NCALD: variants seen among roughly 807,000 people sequenced by gnomAD.
The protein encoded by NCALD is neurocalcin delta.
Under a neutral mutation model 18.6 loss-of-function variants are expected in NCALD, and 10 were observed. The observed-to-expected ratio is 0.54, with a 90% CI of 0.33 to 0.91. The LOEUF is 0.91. Among genes scored for constraint, NCALD ranks in the 40% least tolerant of loss-of-function variants. The pLI is 0.03. For missense variants in NCALD, 184 were observed against 247.6 expected (o/e 0.74, Z 1.72); for synonymous variants, 88 against 87.4 (o/e 1.01, Z -0.04).
At chr8:102,073,373 C>T (rs1048207926) in intron 1 of NCALD, among the ~76,000 whole-genome samples, 3 of 152,040 alleles carry the variant, frequency 2.0e-5, no homozygotes, top group Non-Finnish European at 4.4e-5. Flanking sequence ...AGAAAGCTCA[C>T]AATAAATCTC....
chr8:101,763,447 A>G (rs1202712873), intron 1 of NCALD, among the ~76,000 whole-genome samples: 3 of 152,192 alleles, frequency 2.0e-5, no homozygotes, highest in Non-Finnish European at 4.4e-5. Context: ...GTAACCAATG[A>G]CAGGGAAAGG....
chr8:101,860,361 G>A (rs1051203387), intron 4 of NCALD, among the ~76,000 whole-genome samples: 4 of 152,174 alleles, frequency 2.6e-5, no homozygotes, highest in Admixed American at 6.5e-5. Flanking sequence ...TGATGATGAA[G>A]TGGATTCTCA....
intron 1 of NCALD, among the ~76,000 whole-genome samples, chr8:102,073,174 G>A (rs932608185): frequency 3.9e-5 from 6 of 152,206 alleles, no homozygotes; most frequent in South Asian, 2.1e-4. Context: ...GGTGGCACAC[G>A]CCCATAATCC....
chr8:101,908,214 A>C (rs1817673304), intron 3 of NCALD, among the ~76,000 whole-genome samples: 13 of 152,236 alleles, frequency 8.5e-5, no homozygotes, highest in Admixed American at 7.2e-4. Context: ...GTGTTAAATC[A>C]CATGCCAGGT....
At chr8:102,104,782 A>C (rs1244688960) in intron 1 of NCALD, among the ~76,000 whole-genome samples, 1 of 152,168 alleles carries the variant, frequency 6.6e-6, no homozygotes, top group African/African-American at 2.4e-5. Context: ...GCTTCAATGC[A>C]TGTGTGGGGA....
intron 2 of NCALD, among the ~76,000 whole-genome samples, chr8:101,717,501 A>G (rs1816142270): frequency 6.6e-6 from 1 of 152,124 alleles, no homozygotes; most frequent in Non-Finnish European, 1.5e-5. Context: ...AACACTTGTT[A>G]TCAAGTTACA....
chr8:101,742,237 A>G (rs564469776), intron 1 of NCALD, among the ~76,000 whole-genome samples: 3 of 152,236 alleles, frequency 2.0e-5, no homozygotes, highest in Admixed American at 2.0e-4. Flanking sequence ...AAAGAAAAAA[A>G]AAAAGAAAGA....
chr8:101,908,358 T>C (rs1817679477), intron 3 of NCALD, among the ~76,000 whole-genome samples: 1 of 152,170 alleles, frequency 6.6e-6, no homozygotes, highest in South Asian at 2.1e-4. Flanking sequence ...TTTGGTTTTT[T>C]TCTCGTCAAG....
chr8:101,944,639 T>C (rs1819098119), intron 2 of NCALD, among the ~76,000 whole-genome samples: 1 of 152,200 alleles, frequency 6.6e-6, no homozygotes, highest in South Asian at 2.1e-4. Context: ...CAGTGCCAAT[T>C]GGAGACCATG....
chr8:101,933,111 T>C (rs540577732), intron 2 of NCALD, among the ~76,000 whole-genome samples: 3 of 152,226 alleles, frequency 2.0e-5, no homozygotes, highest in Non-Finnish European at 4.4e-5. Context: ...CCTAGGATCA[T>C]GGTCTACCCT....
chr8:101,863,289 A>G (rs949555909), intron 4 of NCALD, among the ~76,000 whole-genome samples: 1 of 152,186 alleles, frequency 6.6e-6, no homozygotes, highest in Non-Finnish European at 1.5e-5. Context: ...TTCTTTGACC[A>G]ACTAGATTTA....
At chr8:101,867,200 G>A (rs746304329) in intron 4 of NCALD, among the ~76,000 whole-genome samples, 8 of 152,090 alleles carry the variant, frequency 5.3e-5, no homozygotes, top group Non-Finnish European at 1.2e-4. Flanking sequence ...CCTTCTCAAT[G>A]GAACTATCCT....
rs183859786 is a variant in NCALD at position 101,923,502 on chromosome 8, C to T, written c.-156-7644G>A. ...AATGATGTGTAATTGTTGTCAAGTC[C>T]CTTCCAGTTCTGACATCTATGTCAA... On this transcript the variant is annotated intron_variant, in intron 2 of 6. Transcript: ENST00000311028. Among the ~76,000 whole-genome samples the T allele has an allele frequency of 2.0e-5, 3 of 152,256 alleles. No individual in the cohort carries two copies. In the East Asian group the frequency reaches 5.8e-4, roughly 29 times the overall value.
At chr8:101,860,139 C>T (rs776066699) in intron 4 of NCALD, among the ~76,000 whole-genome samples, 31 of 152,130 alleles carry the variant, frequency 2.0e-4, no homozygotes, top group Non-Finnish European at 4.1e-4. Flanking sequence ...ATATTCAAAG[C>T]TAATATTGAA....
chr8:101,911,748 C>G (rs973441110), intron 3 of NCALD, among the ~76,000 whole-genome samples: 1 of 152,114 alleles, frequency 6.6e-6, no homozygotes, highest in African/African-American at 2.4e-5. Context: ...CACGAATTAC[C>G]TGCTTTCTTC....
intron 1 of NCALD, among the ~76,000 whole-genome samples, chr8:102,068,004 C>A (rs1353765489): frequency 1.3e-5 from 2 of 152,212 alleles, no homozygotes; most frequent in Non-Finnish European, 2.9e-5. Context: ...TTCTAACAGT[C>A]TGGGTCTACA....
intron 1 of NCALD, among the ~76,000 whole-genome samples, chr8:101,733,499 A>G (rs1461511322): frequency 6.6e-6 from 1 of 152,062 alleles, no homozygotes; most frequent in Admixed American, 6.6e-5. Flanking sequence ...GAAAGGGGGG[A>G]AAATTCATTT....
At chr8:102,092,664 C>G (rs1425544409) in intron 1 of NCALD, among the ~76,000 whole-genome samples, 1 of 152,178 alleles carries the variant, frequency 6.6e-6, no homozygotes, top group Non-Finnish European at 1.5e-5. Flanking sequence ...CCCACATTGA[C>G]CTTCCCTTTG....
chr8:101,753,620 G>C (rs1256815163), intron 1 of NCALD, among the ~76,000 whole-genome samples: 1 of 152,114 alleles, frequency 6.6e-6, no homozygotes, highest in Non-Finnish European at 1.5e-5. Context: ...TCCAATTTTG[G>C]CCAATAGGAC....
Sources: allele counts gnomAD v4.1 joint callset (sites outside exome capture counted in the v4.1 genomes callset), GRCh38; gene constraint gnomAD v4.1.1; transcripts MANE v1.5; gene names NCBI Gene and HGNC (gene_info 2026-07-23, HGNC 2026-07-21).